The following SLC24A2 variants were observed in gnomAD, a reference collection of about 807,000 sequenced individuals.
SLC24A2 encodes solute carrier family 24 member 2, also known as sodium/potassium/calcium exchanger 2.
In SLC24A2, 36 loss-of-function variants were observed where a neutral mutation model predicts 62.0. The ratio of observed to expected loss-of-function variants is 0.58; its 90% CI spans 0.44 to 0.77. The LOEUF (loss-of-function observed/expected upper bound fraction) is 0.77. SLC24A2 is among the 30% of genes least tolerant of loss of function. The pLI, the probability that SLC24A2 is intolerant of heterozygous loss-of-function variation, is 0.00. For synonymous variants in SLC24A2, 358 were observed against 294.0 expected (o/e 1.22, Z -2.23); for missense variants, 846 against 817.9 (o/e 1.03, Z -0.42).
intron 2 of SLC24A2, among the ~76,000 whole-genome samples, chr9:19,729,108 T>C (rs1280706010): frequency 1.3e-5 from 2 of 152,110 alleles, no homozygotes; most frequent in African/African-American, 2.4e-5. Flanking sequence ...AAATAAGATA[T>C]ACTAATGGCC....
the SLC24A2 span, among the ~76,000 whole-genome samples, chr9:20,252,433 G>C: frequency 6.6e-6 from 1 of 152,274 alleles, no homozygotes; most frequent in East Asian, 1.9e-4. Flanking sequence ...AAGAGATAGA[G>C]GTGGGACAGG....
chr9:19,618,685 C>A (rs1817831237), intron 4 of SLC24A2, among the ~76,000 whole-genome samples: 1 of 152,142 alleles, frequency 6.6e-6, no homozygotes. Context: ...ATTCATACAA[C>A]ATGATTCGAC....
intron 5 of SLC24A2, among the ~76,000 whole-genome samples, chr9:19,595,580 T>A (rs1054094188): frequency 2.6e-5 from 4 of 152,178 alleles, no homozygotes; most frequent in South Asian, 2.1e-4. Flanking sequence ...CAAAGCCCGG[T>A]TGTTATCAAG....
At chr9:20,158,071 T>C in the SLC24A2 span, among the ~76,000 whole-genome samples, 1 of 151,522 alleles carries the variant, frequency 6.6e-6, no homozygotes, top group African/African-American at 2.4e-5. Context: ...TAAGCAACCA[T>C]TTAGAGAAGT....
In SLC24A2 at chr9:19,652,603, GCTTCCAGAAACA is replaced by G. The variant is rs375514120; in HGVS notation, c.931-30316_931-30305del. On this transcript the variant is annotated intron_variant, in intron 2 of 10. Transcript: ENST00000341998. The stretch of plus-strand genomic sequence containing the variant: ...AGAGACAAATAAATTCTCCTCTGCA[GCTTCCAGAAACA>G]CACCCCAACCAACATCTTGATTTTA... Among the ~76,000 whole-genome samples the G allele has an allele frequency of 2.4e-3, 366 of 152,250 alleles. 5 individuals are homozygous for G. The highest frequency in any genetic ancestry group is 8.0e-3 in the African/African-American group (334 of 41,552).
the SLC24A2 span, among the ~76,000 whole-genome samples, chr9:19,962,590 G>A: frequency 6.6e-6 from 1 of 152,146 alleles, no homozygotes; most frequent in Non-Finnish European, 1.5e-5. Flanking sequence ...TCCCTTGTAA[G>A]TTGGATTCCT....
At chr9:20,227,643 C>CTG in the SLC24A2 span, among the ~76,000 whole-genome samples, 2 of 151,918 alleles carry the variant, frequency 1.3e-5, no homozygotes, top group Non-Finnish European at 1.5e-5. Flanking sequence ...TCTCTTCTGC[C>CTG]CTTCTATGCC....
At chr9:20,064,488 C>T in the SLC24A2 span, among the ~76,000 whole-genome samples, 1 of 151,880 alleles carries the variant, frequency 6.6e-6, no homozygotes, top group Non-Finnish European at 1.5e-5. Context: ...TAAAGCTGTA[C>T]ATTTTTTGTT....
chr9:19,788,546 C>G, intron 1 of SLC24A2: 1 of 985,426 alleles, frequency 1.0e-6, no homozygotes, highest in Non-Finnish European at 1.2e-6. Context: ...GAGCTTGGAG[C>G]TGGGTTGCAT....
chr9:19,951,259 T>TGTGTGG, the SLC24A2 span, among the ~76,000 whole-genome samples: 7 of 150,248 alleles, frequency 4.7e-5, no homozygotes, highest in African/African-American at 1.7e-4. Context: ...TGTGTGTGTG[T>TGTGTGG]GTGTTTTAAC....
the SLC24A2 span, among the ~76,000 whole-genome samples, chr9:20,129,148 C>G: frequency 1.3e-5 from 2 of 152,048 alleles, no homozygotes; most frequent in Non-Finnish European, 2.9e-5. Context: ...GACATTTCTT[C>G]TGAGAGAAAT....
the SLC24A2 span, among the ~76,000 whole-genome samples, chr9:20,014,015 C>G: frequency 1.3e-5 from 2 of 152,212 alleles, no homozygotes; most frequent in African/African-American, 4.8e-5. Flanking sequence ...TGAGACCAGC[C>G]TCAGTAACAA....
the SLC24A2 span, among the ~76,000 whole-genome samples, chr9:19,917,177 A>G: frequency 8.1e-4 from 122 of 151,150 alleles, 1 homozygote; most frequent in Middle Eastern, 0.01. Context: ...ATCTCCCTCT[A>G]CTTTCAGGTT....
chr9:19,699,229 G>A (rs374774776), intron 2 of SLC24A2, among the ~76,000 whole-genome samples: 38 of 152,246 alleles, frequency 2.5e-4, no homozygotes, highest in African/African-American at 4.3e-4. Context: ...GGACAAGAAC[G>A]GCTGGCAAAG....
intron 2 of SLC24A2, among the ~76,000 whole-genome samples, chr9:19,702,560 C>A (rs1172220804): frequency 6.6e-6 from 1 of 152,182 alleles, no homozygotes; most frequent in African/African-American, 2.4e-5. Flanking sequence ...AAAACTAGGG[C>A]TCCCAGAACT....
At chr9:20,172,466 G>T in the SLC24A2 span, among the ~76,000 whole-genome samples, 6 of 151,928 alleles carry the variant, frequency 3.9e-5, no homozygotes, top group Non-Finnish European at 8.8e-5. Context: ...GAGTAACCAA[G>T]AAAAGAAGAG....
At chr9:19,863,007 C>T in the SLC24A2 span, among the ~76,000 whole-genome samples, 4 of 151,800 alleles carry the variant, frequency 2.6e-5, no homozygotes, top group Admixed American at 2.6e-4. Context: ...ACAAGAAACA[C>T]ACTTCACCTA....
At chr9:19,719,817 T>A (rs1820971641) in intron 2 of SLC24A2, among the ~76,000 whole-genome samples, 1 of 152,230 alleles carries the variant, frequency 6.6e-6, no homozygotes, top group African/African-American at 2.4e-5. Context: ...TCTCTTTGGG[T>A]TTCCATTAGT....
chr9:19,646,525 T>C (rs1385479538), intron 2 of SLC24A2, among the ~76,000 whole-genome samples: 1 of 152,162 alleles, frequency 6.6e-6, no homozygotes, highest in African/African-American at 2.4e-5. Context: ...AGAAAGGTCA[T>C]TGCTGTAAGG....
Sources: allele counts gnomAD v4.1 joint callset (sites outside exome capture counted in the v4.1 genomes callset), GRCh38; gene constraint gnomAD v4.1.1; transcripts MANE v1.5; gene names NCBI Gene and HGNC (gene_info 2026-07-23, HGNC 2026-07-21).